FRMD4B: variants seen among roughly 807,000 people sequenced by gnomAD.
FRMD4B encodes the protein FERM domain containing 4B.
Under a neutral mutation model 141.5 loss-of-function variants are expected in FRMD4B, and 74 were observed. The observed-to-expected ratio is 0.52, with a 90% CI of 0.43 to 0.63. The LOEUF (loss-of-function observed/expected upper bound fraction) is 0.63. Among genes scored for constraint, FRMD4B ranks in the 30% least tolerant of loss-of-function variants. FRMD4B has a pLI of 0.00. For synonymous variants in FRMD4B, 506 were observed against 467.9 expected, an observed-to-expected ratio of 1.08 and a Z score of -1.05; for missense variants, 1,366 against 1,253.4, an observed-to-expected ratio of 1.09 and a Z score of -1.36.
intron 3 of FRMD4B, among the ~76,000 whole-genome samples, chr3:69,303,210 C>T (rs1161377399): frequency 9.7e-5 from 7 of 71,984 alleles, no homozygotes; most frequent in Non-Finnish European, 1.9e-4. Flanking sequence ...CCCAGTTATT[C>T]GGGAAACTGA....
intron 1 of FRMD4B, among the ~76,000 whole-genome samples, chr3:69,483,915 AG>A (rs1269237751): frequency 2.6e-4 from 40 of 152,082 alleles, no homozygotes; most frequent in Non-Finnish European, 5.4e-4. Flanking sequence ...CTGCTCAGTG[AG>A]GTTTTTGTCG....
intron 2 of FRMD4B, among the ~76,000 whole-genome samples, chr3:69,430,180 A>G (rs928767875): frequency 7.9e-5 from 12 of 152,132 alleles, no homozygotes; most frequent in Admixed American, 7.9e-4. Context: ...GCACACATAC[A>G]GCTATGCTTA....
At position 69,438,157 on chromosome 3, in the gene FRMD4B, G is replaced by A. The variant is rs1333232805; in HGVS notation, c.-128-5396C>T. ...CTCGCCCTGTCACCCAGGCTGGAGTGTAGTGGTGCGATTGTGGCTCACTGC... is the reference window on the plus strand; with the variant it reads ...CTCGCCCTGTCACCCAGGCTGGAGTATAGTGGTGCGATTGTGGCTCACTGC... On this transcript the variant is annotated intron_variant, in intron 1 of 5. Coordinates refer to the FRMD4B transcript ENST00000459638. 2.7e-5 allele frequency among the ~76,000 whole-genome samples: 4 copies of A among 150,824 alleles called. No individual in the cohort carries two copies. In the East Asian group the frequency reaches 7.7e-4, roughly 29 times the overall value.
At chr3:69,453,731 T>C (rs982935520) in intron 1 of FRMD4B, among the ~76,000 whole-genome samples, 2 of 152,182 alleles carry the variant, frequency 1.3e-5, no homozygotes, top group African/African-American at 4.8e-5. Context: ...GAGGAGATGA[T>C]TATCTGACGC....
rs759531347 is a variant in FRMD4B, at chr3:69,511,937, G to A, written c.-129+30269C>T. Reference sequence around the variant, plus strand: ...GTACAACCTAGTCTGAGGGATCAGCGAAGACATCCTGGAGGGGGCAATAAA... The same window carrying A: ...GTACAACCTAGTCTGAGGGATCAGCAAAGACATCCTGGAGGGGGCAATAAA... On this transcript the variant is annotated intron_variant, in intron 1 of 5. Transcript: ENST00000459638. Among the ~76,000 whole-genome samples the A allele has an allele frequency of 5.9e-4, 90 of 152,278 alleles. No individual in the cohort carries two copies. In the Middle Eastern group the frequency reaches 0.01, roughly 17 times the overall value.
At chr3:69,459,605 G>A (rs556033768) in intron 1 of FRMD4B, among the ~76,000 whole-genome samples, 9 of 152,316 alleles carry the variant, frequency 5.9e-5, no homozygotes, top group South Asian at 2.1e-4. Context: ...GAACCAGACT[G>A]CATATATTGA....
chr3:69,475,294 G>C (rs1189129400), intron 1 of FRMD4B, among the ~76,000 whole-genome samples: 1 of 151,824 alleles, frequency 6.6e-6, no homozygotes, highest in Non-Finnish European at 1.5e-5. Context: ...CCATGCTGCT[G>C]TGCTGCACCC....
chr3:69,480,176 T>C (rs923737082), intron 1 of FRMD4B, among the ~76,000 whole-genome samples: 35 of 152,360 alleles, frequency 2.3e-4, no homozygotes, highest in African/African-American at 7.5e-4. Context: ...CTCGGAGTAG[T>C]TTGATCGTCT....
intron 21 of FRMD4B, among the ~76,000 whole-genome samples, chr3:69,177,214 C>A (rs1249551054): frequency 6.6e-6 from 1 of 152,092 alleles, no homozygotes; most frequent in Non-Finnish European, 1.5e-5. Context: ...TGGCGCATGC[C>A]TATAATCCCA....
intron 7 of FRMD4B, among the ~76,000 whole-genome samples, chr3:69,248,246 C>T (rs998876890): frequency 3.3e-5 from 5 of 150,626 alleles, no homozygotes; most frequent in Admixed American, 2.7e-4. Flanking sequence ...AATGTAAATA[C>T]ACACACACAC....
rs538343211 is a variant in FRMD4B, at chr3:69,437,916, T to C, written c.-128-5155A>G. On this transcript the variant is annotated intron_variant, in intron 1 of 5. Transcript: ENST00000459638. ...TAATATATACTATTATTGTATAATA[T>C]ATATTATATATTATATATACTATAT... Among the ~76,000 whole-genome samples, 402 of 136,340 alleles carry C rather than the reference T, an allele frequency of 2.9e-3. 4 individuals carry two copies. The highest frequency in any genetic ancestry group is 8.2e-3 in the African/African-American group (295 of 36,134). The allele number at this position is 136,340 out of a possible 152,430, so 89.4% of individuals were successfully genotyped here. A position where few individuals can be genotyped will look rare whatever the true frequency, so the allele number is the denominator to read the frequency against.
At chr3:69,360,721 G>A (rs1312179107) in intron 1 of FRMD4B, among the ~76,000 whole-genome samples, 1 of 152,148 alleles carries the variant, frequency 6.6e-6, no homozygotes, top group Admixed American at 6.5e-5. Context: ...CATGGTTCCT[G>A]TAGGTTGGTT....
intron 1 of FRMD4B, chr3:69,536,750 A>G: frequency 3.6e-6 from 2 of 558,840 alleles, no homozygotes; most frequent in Non-Finnish European, 6.5e-6. Flanking sequence ...TAATTTTTTT[A>G]ATTTTTTATT....
At chr3:69,442,145 T>A (rs527995984) in intron 1 of FRMD4B, among the ~76,000 whole-genome samples, 1 of 152,096 alleles carries the variant, frequency 6.6e-6, no homozygotes, top group East Asian at 1.9e-4. Context: ...CAGGCTGTGA[T>A]GCAATCATAG....
chr3:69,475,629 C>G (rs1705980915), intron 1 of FRMD4B, among the ~76,000 whole-genome samples: 2 of 152,020 alleles, frequency 1.3e-5, no homozygotes, highest in African/African-American at 4.8e-5. Context: ...GGGTTGGTTC[C>G]AAGTCTTTGC....
In FRMD4B at chr3:69,313,432, C is replaced by T. The variant is rs1415441786; in HGVS notation, c.228+20G>A. 8.4e-6 allele frequency: 13 copies of T among 1,542,880 alleles called. No individual in the cohort carries two copies. Among genetic ancestry groups the T allele is most frequent in the Admixed American group, 3.8e-5 (2 of 52,310 alleles). ...CTGGGCAAGACTTATCTGGGCAACA[C>T]ACATGTGGGCCACACCTACCTGAAC... On this transcript the variant is annotated intron_variant, in intron 2 of 22. Transcript: ENST00000398540.
At chr3:69,432,754 A>G (rs1447696979) in exon 2 of FRMD4B, 1 of 152,154 alleles carries the variant, frequency 6.6e-6, no homozygotes, top group Non-Finnish European at 1.5e-5. Context: ...TGGATTTCTC[A>G]TCAAAGCCTG....
chr3:69,326,456 T>G (rs1336105708), intron 1 of FRMD4B, among the ~76,000 whole-genome samples: 1 of 152,222 alleles, frequency 6.6e-6, no homozygotes, highest in Non-Finnish European at 1.5e-5. Flanking sequence ...GGTGGTAAAC[T>G]CTAACACCTT....
chr3:69,290,793 G>C (rs1224725332), intron 4 of FRMD4B, among the ~76,000 whole-genome samples: 1 of 152,134 alleles, frequency 6.6e-6, no homozygotes, highest in South Asian at 2.1e-4. Context: ...CTGAGTTTTA[G>C]AGATCTGCCT....
Sources: allele counts gnomAD v4.1 joint callset (sites outside exome capture counted in the v4.1 genomes callset), GRCh38; gene constraint gnomAD v4.1.1; transcripts MANE v1.5; gene names NCBI Gene and HGNC (gene_info 2026-07-23, HGNC 2026-07-21).